The following ASTN2 variants were observed in gnomAD, a reference collection of about 807,000 sequenced individuals.
The protein encoded by ASTN2 is astrotactin-2.
Under a neutral mutation model 139.8 loss-of-function variants are expected in ASTN2, and 54 were observed. The ratio of observed to expected loss-of-function variants is 0.39; its 90% confidence interval spans 0.31 to 0.48. The LOEUF is 0.48. Ranked by LOEUF, ASTN2 falls within the 20% of genes least tolerant of loss-of-function variation. The pLI is 0.95. For missense variants in ASTN2, 1,565 were observed against 1,725.1 expected, an observed-to-expected ratio of 0.91 and a Z score of 1.64; for synonymous variants, 756 against 719.5, an observed-to-expected ratio of 1.05 and a Z score of -0.81.
intron 20 of ASTN2, among the ~76,000 whole-genome samples, chr9:116,450,461 A>T (rs955617861): frequency 8.5e-5 from 13 of 152,206 alleles, no homozygotes; most frequent in Non-Finnish European, 1.6e-4. Context: ...GTCCAAGGTC[A>T]CACAGCTCTC....
At position 117,355,753 on chromosome 9, in the gene ASTN2, C is replaced by T. The variant is rs569503299; in HGVS notation, c.442+58744G>A. ...GCCAGAGTCTGTCGGCAATCAAACA[C>T]CCTCTGGCTACCTCTGAGCATCTGG... On this transcript the variant is annotated intron_variant, in intron 1 of 22. Transcript: ENST00000313400. 3.3e-5 allele frequency among the ~76,000 whole-genome samples: 5 copies of T among 152,254 alleles called. No individual in the cohort carries two copies. The East Asian group carries it at 9.7e-4, about 29-fold the overall frequency.
chr9:117,368,133 G>T (rs1829894714), intron 1 of ASTN2, among the ~76,000 whole-genome samples: 1 of 151,944 alleles, frequency 6.6e-6, no homozygotes. Flanking sequence ...TAAGGATAAG[G>T]GATTCAAAAA....
chr9:116,669,949 C>T (rs1162204103), intron 16 of ASTN2, among the ~76,000 whole-genome samples: 1 of 152,012 alleles, frequency 6.6e-6, no homozygotes, highest in East Asian at 1.9e-4. Context: ...GGATTACAGG[C>T]ACGTGCCACC....
At chr9:116,496,748 G>A (rs1026229832) in intron 19 of ASTN2, among the ~76,000 whole-genome samples, 3 of 152,192 alleles carry the variant, frequency 2.0e-5, no homozygotes, top group Non-Finnish European at 4.4e-5. Context: ...GGCTGGGGAG[G>A]CCTCAACATC....
chr9:117,406,825 TTTAC>T (rs1391629143), intron 1 of ASTN2, among the ~76,000 whole-genome samples: 1 of 151,320 alleles, frequency 6.6e-6, no homozygotes, highest in Non-Finnish European at 1.5e-5. Context: ...ACATAACTTA[TTTAC>T]TTATTATGTC....
At chr9:117,410,993 C>T (rs1831142007) in intron 1 of ASTN2, among the ~76,000 whole-genome samples, 1 of 152,280 alleles carries the variant, frequency 6.6e-6, no homozygotes, top group Non-Finnish European at 1.5e-5. Flanking sequence ...TATTCAGCAC[C>T]ATAACCTGCA....
intron 19 of ASTN2, chr9:116,612,215 CATAAAGCA>C (rs1277244082): frequency 6.6e-6 from 1 of 152,152 alleles, no homozygotes; most frequent in African/African-American, 2.4e-5. Context: ...CACCCAGATT[CATAAAGCA>C]AGTCCTTAGA....
chr9:116,487,199 T>G (rs935277555), intron 20 of ASTN2, among the ~76,000 whole-genome samples, 160 bp downstream of exon 20: 2 of 152,328 alleles, frequency 1.3e-5, no homozygotes, highest in Non-Finnish European at 2.9e-5. Flanking sequence ...TGTGGCATAC[T>G]TCTCAAATGG....
intron 17 of ASTN2, among the ~76,000 whole-genome samples, chr9:116,621,880 T>C (rs927717649): frequency 6.6e-6 from 1 of 152,230 alleles, no homozygotes; most frequent in East Asian, 1.9e-4. Context: ...TGGGCTCTGA[T>C]GTAGAAGATA....
At chr9:116,458,991 T>C (rs1162942662) in intron 20 of ASTN2, among the ~76,000 whole-genome samples, 5 of 152,092 alleles carry the variant, frequency 3.3e-5, no homozygotes, top group Admixed American at 3.3e-4. Flanking sequence ...TACTTATACA[T>C]TCTGATTTCA....
chr9:117,071,866 G>A (rs989523895), intron 5 of ASTN2, among the ~76,000 whole-genome samples: 1 of 152,052 alleles, frequency 6.6e-6, no homozygotes, highest in Non-Finnish European at 1.5e-5. Context: ...GCCCTGCTTC[G>A]GCTCGCGCAC....
intron 1 of ASTN2, among the ~76,000 whole-genome samples, chr9:117,385,198 G>A (rs910791031): frequency 6.6e-6 from 1 of 151,942 alleles, no homozygotes; most frequent in Admixed American, 6.6e-5. Flanking sequence ...GGAACATAAG[G>A]GAATATGCCT....
chr9:117,026,848 C>T (rs1838101416), intron 6 of ASTN2, among the ~76,000 whole-genome samples: 1 of 152,138 alleles, frequency 6.6e-6, no homozygotes, highest in Non-Finnish European at 1.5e-5. Context: ...GGAATATGTG[C>T]TACGCAAGAT....
intron 13 of ASTN2, among the ~76,000 whole-genome samples, chr9:116,782,103 G>C (rs1830235067): frequency 6.6e-6 from 1 of 152,100 alleles, no homozygotes; most frequent in Non-Finnish European, 1.5e-5. Flanking sequence ...ACTACAGTTT[G>C]GGGAAGGGAG....
Position 116,468,454 on chromosome 9 carries a change from C to A in ASTN2, c.3497+18905G>T, listed in dbSNP as rs572968475. Among the ~76,000 whole-genome samples, 4 of 152,310 alleles carry A rather than the reference C, an allele frequency of 2.6e-5. No homozygotes were observed. In the East Asian group the frequency reaches 7.7e-4, roughly 29 times the overall value. On this transcript the variant is annotated intron_variant, in intron 20 of 22. Transcript: ENST00000313400. ...GAGTAGAGTTCTTACCAACCAGCAT[C>A]AGGAAGGATGCTCATGTACACAGAG...
chr9:117,112,552 C>T (rs934108909), intron 4 of ASTN2, among the ~76,000 whole-genome samples: 2 of 151,978 alleles, frequency 1.3e-5, no homozygotes, highest in African/African-American at 4.8e-5. Flanking sequence ...AACTGGAGAG[C>T]CATATGCTAA....
chr9:116,542,879 C>T (rs1851932515), intron 19 of ASTN2, among the ~76,000 whole-genome samples: 1 of 152,014 alleles, frequency 6.6e-6, no homozygotes, highest in Non-Finnish European at 1.5e-5. Context: ...GAGATTGTGC[C>T]ACTGCACTAC....
At chr9:116,942,156 TCTC>T (rs1015727763) in intron 10 of ASTN2, among the ~76,000 whole-genome samples, 3 of 151,892 alleles carry the variant, frequency 2.0e-5, no homozygotes, top group African/African-American at 7.3e-5. Flanking sequence ...CTCTGAGGTC[TCTC>T]CTCTACCCAG....
chr9:116,718,972 G>GTATATATATATATATATATATATATA (rs373217069), intron 16 of ASTN2, among the ~76,000 whole-genome samples: 9,098 of 97,426 alleles, frequency 0.093, 1,655 homozygotes, highest in Non-Finnish European at 0.13. Flanking sequence ...ACCTGTATCT[G>GTATATATATATATATATATATATATA]TACATATATA....
Sources: allele counts gnomAD v4.1 joint callset (sites outside exome capture counted in the v4.1 genomes callset), GRCh38; gene constraint gnomAD v4.1.1; transcripts MANE v1.5; gene names NCBI Gene and HGNC (gene_info 2026-07-23, HGNC 2026-07-21).